The following COPG2 variants were observed in gnomAD, a reference collection of about 807,000 sequenced individuals.
COPG2 encodes the protein coat protein complex I subunit gamma 2, also known as coatomer subunit gamma-2.
A neutral mutation model predicts 46.3 loss-of-function variants in COPG2; 37 were observed. That is an observed-to-expected ratio of 0.80 (90% CI 0.61 to 1.05). COPG2 has a LOEUF of 1.05. Among genes scored for constraint, COPG2 ranks in the 50% least tolerant of loss-of-function variants. COPG2 has a pLI of 0.00. For missense variants in COPG2, 427 were observed against 387.8 expected, an observed-to-expected ratio of 1.10 and a Z score of -0.85; for synonymous variants, 159 against 129.7, an observed-to-expected ratio of 1.23 and a Z score of -1.53.
intron 16 of COPG2, among the ~76,000 whole-genome samples, 163 bp from the exon 17 acceptor site, chr7:130,550,812 CCTTATAAA>C (rs1174164445): frequency 2.0e-5 from 3 of 152,126 alleles, no homozygotes; most frequent in Non-Finnish European, 4.4e-5. Flanking sequence ...CTTGAAATTA[CCTTATAAA>C]CTTATAAACT....
At chr7:130,548,055 A>G (rs1259398791) in intron 19 of COPG2, among the ~76,000 whole-genome samples, 1 of 152,310 alleles carries the variant, frequency 6.6e-6, no homozygotes, top group African/African-American at 2.4e-5. Context: ...CTTTCCTGAG[A>G]CTGCTGTCTC....
chr7:130,580,629 A>T (rs1794119380), intron 9 of COPG2, among the ~76,000 whole-genome samples: 1 of 103,340 alleles, frequency 9.7e-6, no homozygotes, highest in Non-Finnish European at 1.9e-5. Context: ...AGAGAGAAGA[A>T]TCAAATAGAC....
At chr7:130,601,344 C>T (rs1224457116) in intron 9 of COPG2, among the ~76,000 whole-genome samples, 1 of 152,206 alleles carries the variant, frequency 6.6e-6, no homozygotes, top group African/African-American at 2.4e-5. Flanking sequence ...AATCATTCTA[C>T]TCTAAAGACA....
intron 9 of COPG2, chr7:130,607,608 T>C (rs1397797647): frequency 6.3e-6 from 3 of 478,234 alleles, no homozygotes; most frequent in Admixed American, 4.5e-5. Context: ...GCAGGTCTCC[T>C]AGAGTATTCT....
At chr7:130,528,384 C>T (rs1168671625) in intron 20 of COPG2, among the ~76,000 whole-genome samples, 1 of 151,780 alleles carries the variant, frequency 6.6e-6, no homozygotes, top group Non-Finnish European at 1.5e-5. Flanking sequence ...CTGGAAGGTA[C>T]CCATAGCCTG....
intron 20 of COPG2, among the ~76,000 whole-genome samples, chr7:130,546,456 A>G (rs1403932404): frequency 4.6e-5 from 7 of 152,314 alleles, no homozygotes; most frequent in Non-Finnish European, 8.8e-5. Flanking sequence ...TTAAAGGTTA[A>G]AGCCAGATAG....
chr7:130,598,969 G>T (rs927546743), intron 9 of COPG2, among the ~76,000 whole-genome samples: 1 of 152,076 alleles, frequency 6.6e-6, no homozygotes, highest in Non-Finnish European at 1.5e-5. Flanking sequence ...AAAGTTCCAC[G>T]TCAAAATGAT....
At chr7:130,664,447 T>C (rs1445439329) in intron 3 of COPG2, among the ~76,000 whole-genome samples, 1 of 152,268 alleles carries the variant, frequency 6.6e-6, no homozygotes, top group Non-Finnish European at 1.5e-5. Context: ...GTGTGCTTTT[T>C]AGTTATACAG....
intron 5 of COPG2, among the ~76,000 whole-genome samples, chr7:130,651,194 A>T (rs1795730946): frequency 6.6e-6 from 1 of 152,256 alleles, no homozygotes; most frequent in Non-Finnish European, 1.5e-5. Context: ...TAAATTATAT[A>T]TACTTATTCT....
At chr7:130,584,342 A>C (rs1794223689) in intron 9 of COPG2, among the ~76,000 whole-genome samples, 2 of 152,032 alleles carry the variant, frequency 1.3e-5, no homozygotes, top group African/African-American at 4.8e-5. Context: ...TGACAAACCC[A>C]CAGCCAACAT....
intron 5 of COPG2, among the ~76,000 whole-genome samples, chr7:130,640,688 T>C (rs980212611): frequency 3.9e-5 from 6 of 152,130 alleles, no homozygotes; most frequent in South Asian, 2.1e-4. Context: ...GCTTGCAAAC[T>C]GGGCAGGAAA....
chr7:130,655,184 G>A lies in COPG2; in HGVS notation c.244-2236C>T, dbSNP rs113824088. ...TGCTGCACATTGTGAAGTTTATTTT[G>A]GTGTATGATCTTAAATAGTATTGAA... On this transcript the variant is annotated intron_variant, in intron 4 of 23. Coordinates refer to ENST00000425248, the MANE Select transcript of COPG2 (RefSeq NM_012133.6). Among the ~76,000 whole-genome samples the A allele has an allele frequency of 9.0e-3, 1,364 of 152,008 alleles. 9 individuals are homozygous for A. The highest frequency in any genetic ancestry group is 0.034 in the Middle Eastern group (10 of 294).
chr7:130,606,709 T>C (rs1306242729), intron 9 of COPG2, among the ~76,000 whole-genome samples: 1 of 152,208 alleles, frequency 6.6e-6, no homozygotes, highest in Non-Finnish European at 1.5e-5. Context: ...CCTGTGCCCC[T>C]GAGTTCCAGC....
intron 9 of COPG2, among the ~76,000 whole-genome samples, chr7:130,601,283 T>C (rs142482127): frequency 3.3e-3 from 502 of 152,256 alleles, no homozygotes; most frequent in African/African-American, 0.011. Context: ...AAACCAGAAA[T>C]ACCATTTGAC....
At chr7:130,523,825 T>C (rs1799749198) in intron 20 of COPG2, among the ~76,000 whole-genome samples, 1 of 151,930 alleles carries the variant, frequency 6.6e-6, no homozygotes, top group South Asian at 2.1e-4. Flanking sequence ...GGAGAGCGTC[T>C]TGAAGACATC....
intron 5 of COPG2, among the ~76,000 whole-genome samples, chr7:130,634,513 GT>G (rs1341181218): frequency 3.3e-5 from 5 of 151,704 alleles, no homozygotes; most frequent in African/African-American, 1.2e-4. Context: ...TGATTTGGCT[GT>G]TTGTCTATTA....
intron 9 of COPG2, among the ~76,000 whole-genome samples, chr7:130,594,610 A>G (rs1794490762): frequency 6.6e-6 from 1 of 152,252 alleles, no homozygotes; most frequent in Non-Finnish European, 1.5e-5. Context: ...TAAATTATGT[A>G]TCTGATAAGG....
intron 15 of COPG2, among the ~76,000 whole-genome samples, chr7:130,551,981 CAT>C (rs1344680544): frequency 6.6e-6 from 1 of 152,124 alleles, no homozygotes; most frequent in African/African-American, 2.4e-5. Context: ...TTCTCAAAAT[CAT>C]GTGAGAGAAA....
chr7:130,570,046 G>C (rs1215770495), intron 9 of COPG2, among the ~76,000 whole-genome samples: 1 of 152,120 alleles, frequency 6.6e-6, no homozygotes, highest in African/African-American at 2.4e-5. Context: ...GGCACAGAGG[G>C]GATGTGCCTT....
Sources: gnomAD v4.1 joint callset for allele counts (sites outside exome capture counted in the v4.1 genomes callset) on GRCh38, gnomAD v4.1.1 for gene constraint, MANE v1.5 for transcripts, NCBI Gene and HGNC (gene_info 2026-07-23, HGNC 2026-07-21) for gene names.